Variants in DCTN1 observed in about 807,000 individuals in gnomAD.
The protein encoded by DCTN1 is 150 kDa dynein-associated polypeptide.
DCTN1 carries 61 observed loss-of-function variants against 161.2 expected under a neutral mutation model. The observed-to-expected ratio is 0.38, with a 90% CI of 0.31 to 0.47. The LOEUF is 0.47. DCTN1 is among the 20% of genes least tolerant of loss of function. The probability of loss-of-function intolerance (pLI) is 0.99; values close to 1 mark genes in which losing one functional copy is unlikely to be tolerated. For synonymous variants in DCTN1, 653 were observed against 632.4 expected (o/e 1.03, Z -0.49); for missense variants, 1,404 against 1,623.7 (o/e 0.86, Z 2.33).
chr2:74,383,881 G>C (rs1675616424), upstream of DCTN1: 1 of 152,350 alleles, frequency 6.6e-6, no homozygotes, highest in South Asian at 2.1e-4. Flanking sequence ...AAAGCGTTTA[G>C]CACAATGTCT....
At chr2:74,391,456 T>C (rs1675993118) in intron 1 of DCTN1, 2 of 255,156 alleles carry the variant, frequency 7.8e-6, no homozygotes, top group Non-Finnish European at 1.6e-5. Flanking sequence ...TTGAGACGAA[T>C]TTCTCAACCA....
Position 74,370,026 on chromosome 2 carries a change from G to T in DCTN1, c.1331C>A (p.Thr444Lys). 1 of 1,614,136 alleles carries T rather than the reference G, an allele frequency of 6.2e-7. No homozygotes were observed. The highest frequency in any genetic ancestry group is 8.5e-7 in the Non-Finnish European group (1 of 1,180,046). Residue 444 changes from threonine to lysine, a missense_variant, in exon 13 of 32, where the codon ACA (threonine) becomes AAA (lysine). Around this residue, in one of 9 missense-constraint regions of DCTN1, gnomAD observed 278 missense variants for 363.8 expected, o/e 0.76. Transcript: ENST00000628224. This position sits in a 1 kb window ranked among gnomAD's most constrained non-coding sequence, Gnocchi z 4.4. ...CTCTTCCAGATTCAGGTTCCGATCT[G>T]TCAGCATCTCCACCATCTCCTCAGC... Reference protein sequence around the residue: ...LGAEEMVEMLTDRNLNLEEKV... With the variant: ...LGAEEMVEMLKDRNLNLEEKV...
intron 5 of DCTN1, among the ~76,000 whole-genome samples, chr2:74,376,467 CA>C (rs1675229764): frequency 6.6e-6 from 1 of 152,256 alleles, no homozygotes; most frequent in Non-Finnish European, 1.5e-5. Flanking sequence ...CTGCTATTTA[CA>C]GTCAAATGCT....
Position 74,369,431 on chromosome 2 carries a change from G to C in DCTN1, c.1453C>G (p.Leu485Val). ...QENARETELE[L>V]REQLDMAGAR... Reference sequence around the variant, plus strand: ...CCTGCCATGTCCAGCTGCTCCCGCAGCTCCAGTTCTGTCTCACGTGCATTC... The same window carrying C: ...CCTGCCATGTCCAGCTGCTCCCGCACCTCCAGTTCTGTCTCACGTGCATTC... The change falls in exon 14 of 32, where the codon CTG becomes GTG. Residue 485 changes from leucine (L) to valine (V), a missense_variant. Around this residue, in one of 9 missense-constraint regions of DCTN1, gnomAD observed 278 missense variants for 363.8 expected, o/e 0.76. Coordinates refer to ENST00000628224, the MANE Select transcript of DCTN1 (RefSeq NM_004082.5). The surrounding 1 kb of genome is among the most constrained non-coding windows in gnomAD (Gnocchi z 4.9). 1.2e-6 allele frequency: 2 copies of C among 1,614,184 alleles called. No homozygotes were observed. Among genetic ancestry groups the C allele is most frequent in the East Asian group, 2.2e-5 (1 of 44,886 alleles).
At chr2:74,368,183 A>C in intron 16 of DCTN1, 52 bp from the exon 17 acceptor site, 2 of 1,552,678 alleles carry the variant, frequency 1.3e-6, no homozygotes, top group Non-Finnish European at 8.7e-7. Flanking sequence ...GATGGAGAAC[A>C]GAGACTCAGG....
At chr2:74,387,256 G>A (rs1675773474) in intron 1 of DCTN1, among the ~76,000 whole-genome samples, 6 of 152,048 alleles carry the variant, frequency 3.9e-5, no homozygotes, top group Admixed American at 3.9e-4. Context: ...AGCTTCCTGG[G>A]CAACATTCTC....
chr2:74,367,576 G>A (rs1424336591), intron 18 of DCTN1, 120 bp downstream of exon 18: 27 of 1,529,990 alleles, frequency 1.8e-5, no homozygotes, highest in Admixed American at 7.0e-5. Flanking sequence ...GTTCATCTAA[G>A]AGCAAACCAG....
rs79741568 is a variant in DCTN1 at position 74,370,441 on chromosome 2, C to G, written c.1127+25G>C. 6.2e-7 allele frequency: 1 copy of G among 1,614,182 alleles called. No homozygotes were observed. Among genetic ancestry groups the G allele is most frequent in the Non-Finnish European group, 8.5e-7 (1 of 1,180,034 alleles). The stretch of plus-strand genomic sequence containing the variant: ...CATTTGGAGACACAAGAGTAAGCAT[C>G]AGAGGCAAGCACTGAAGACCCTACC... On this transcript the variant is annotated intron_variant, in intron 11 of 31. Coordinates refer to ENST00000628224, the MANE Select transcript of DCTN1 (RefSeq NM_004082.5). The surrounding 1 kb of genome is among the most constrained non-coding windows in gnomAD (Gnocchi z 4.4).
At chr2:74,364,901 A>T (rs1408078817) in intron 26 of DCTN1, 174 bp downstream of exon 26, 1 of 762,474 alleles carries the variant, frequency 1.3e-6, no homozygotes, top group Non-Finnish European at 2.2e-6. Context: ...CTCAGCACAC[A>T]TCTTCAGCGG....
chr2:74,372,097 T>C (rs753887984), intron 7 of DCTN1: 13 of 309,562 alleles, frequency 4.2e-5, no homozygotes, highest in Non-Finnish European at 7.5e-5. Flanking sequence ...TATGACCCAC[T>C]TGTGATCATT....
chr2:74,388,735 T>C (rs6723379), intron 1 of DCTN1, among the ~76,000 whole-genome samples: 14,209 of 152,266 alleles, frequency 0.093, 1,375 homozygotes, highest in East Asian at 0.37. Context: ...TCTCAGTATC[T>C]AAGCACTCGG....
upstream of DCTN1, among the ~76,000 whole-genome samples, chr2:74,384,230 A>G (rs1675632951): frequency 6.6e-6 from 1 of 152,266 alleles, no homozygotes; most frequent in Non-Finnish European, 1.5e-5. Flanking sequence ...GATGTAGCCA[A>G]AACAGATTCC....
intron 1 of DCTN1, among the ~76,000 whole-genome samples, chr2:74,379,589 C>T (rs936393638): frequency 7.2e-5 from 11 of 152,316 alleles, no homozygotes; most frequent in African/African-American, 2.6e-4. Flanking sequence ...CCCAATAAGC[C>T]TCTCAGAACC....
Position 74,380,014 on chromosome 2 carries a change from C to T in DCTN1, c.24G>A (p.Val8=), listed in dbSNP as rs542807904. Residue 8 remains valine (V), a synonymous_variant, in exon 1 of 32, where the codon GTG becomes GTA. Coordinates refer to ENST00000628224, the MANE Select transcript of DCTN1 (RefSeq NM_004082.5). The part of the protein sequence containing the change: MAQSKRH[V]YSRTPSGSRM... ...GATTAGGGCCACTTACCCGGCTGTACACGTGCCTCTTGCTCTGTGCCATGT... is the reference window on the plus strand; with the variant it reads ...GATTAGGGCCACTTACCCGGCTGTATACGTGCCTCTTGCTCTGTGCCATGT... The T allele has an allele frequency of 3.7e-6, 6 of 1,614,200 alleles. No homozygotes were observed. The highest frequency in any genetic ancestry group is 1.6e-4 in the Middle Eastern group (1 of 6,062).
chr2:74,385,905 A>G (rs1453622422), intron 1 of DCTN1, among the ~76,000 whole-genome samples: 2 of 152,220 alleles, frequency 1.3e-5, no homozygotes, highest in African/African-American at 4.8e-5. Context: ...AAGGTTTTAG[A>G]TCTGCCTGTC....
intron 1 of DCTN1, chr2:74,385,657 T>C (rs995031457): frequency 2.6e-5 from 4 of 152,176 alleles, no homozygotes; most frequent in Non-Finnish European, 5.9e-5. Context: ...ATAATGGAAA[T>C]CAATCTCCTC....
chr2:74,368,489 T>A, intron 16 of DCTN1: 1 of 657,904 alleles, frequency 1.5e-6, no homozygotes, highest in Non-Finnish European at 2.6e-6. Flanking sequence ...TGTTATTCCC[T>A]CAGTCACACC....
intron 7 of DCTN1, 41 bp from the exon 8 acceptor site, chr2:74,371,769 G>C (rs200504884): frequency 1.4e-5 from 21 of 1,520,284 alleles, no homozygotes; most frequent in Non-Finnish European, 2.7e-6. Flanking sequence ...AGAAAGCAGA[G>C]GATAGGGGTA....
Position 74,361,652 on chromosome 2 carries a change from G to C in DCTN1, c.3700-16C>G, listed in dbSNP as rs759711077. Reference sequence around the variant, plus strand: ...CCTCCTTGGCCTGGTGGTTGATGAGGAGAAAAAGACTCCAGGTCAGGGGCT... The same window carrying C: ...CCTCCTTGGCCTGGTGGTTGATGAGCAGAAAAAGACTCCAGGTCAGGGGCT... On this transcript the variant is annotated splice_polypyrimidine_tract_variant and intron_variant, in intron 31 of 31. Coordinates refer to ENST00000628224, the MANE Select transcript of DCTN1 (RefSeq NM_004082.5). 5.6e-6 allele frequency: 9 copies of C among 1,613,964 alleles called. No homozygotes were observed. In the Admixed American group the frequency reaches 1.2e-4, roughly 21 times the overall value.
Sources: gnomAD v4.1 joint callset for allele counts (sites outside exome capture counted in the v4.1 genomes callset) on GRCh38, gnomAD v4.1.1 for gene constraint, gnomAD v4.1.1 regional missense constraint, Gnocchi (gnomAD v3.1) non-coding constraint, MANE v1.5 for transcripts, NCBI Gene and HGNC (gene_info 2026-07-23, HGNC 2026-07-21) for gene names.